RASGRP3: variants seen among roughly 807,000 people sequenced by gnomAD.
The protein encoded by RASGRP3 is ras guanyl-releasing protein 3.
A neutral mutation model predicts 82.7 loss-of-function variants in RASGRP3; 54 were observed. That is an observed-to-expected ratio of 0.65 (90% CI 0.52 to 0.82). The LOEUF (loss-of-function observed/expected upper bound fraction) is 0.82. Among genes scored for constraint, RASGRP3 ranks in the 40% least tolerant of loss-of-function variants. The probability of loss-of-function intolerance (pLI) is 0.00; values close to 1 mark genes in which losing one functional copy is unlikely to be tolerated. For synonymous variants in RASGRP3, 309 were observed against 300.5 expected, an observed-to-expected ratio of 1.03 and a Z score of -0.29; for missense variants, 861 against 828.9, an observed-to-expected ratio of 1.04 and a Z score of -0.48.
chr2:33,559,894 G>A (rs1676457460), intron 17 of RASGRP3, among the ~76,000 whole-genome samples: 1 of 152,160 alleles, frequency 6.6e-6, no homozygotes, highest in Non-Finnish European at 1.5e-5. Flanking sequence ...TTCCCATGAT[G>A]AGAAAAACTC....
rs375130686 is a variant in RASGRP3, at chr2:33,558,277, G to A, written c.1646G>A (p.Arg549Gln). 2.3e-4 allele frequency: 376 copies of A among 1,613,264 alleles called. No individual in the cohort carries two copies. Among genetic ancestry groups the A allele is most frequent in the Middle Eastern group, 3.3e-4 (2 of 6,064 alleles). The change falls in exon 16 of 18, where the codon CGG becomes CAG. Residue 549 changes from arginine (R) to glutamine (Q), a missense_variant. Physicochemically the swap from Arg to Gln is conservative, Grantham distance 43 (BLOSUM62 1). Coordinates refer to ENST00000403687, the MANE Select transcript of RASGRP3 (RefSeq NM_001139488.2). ...GTTCTGGCCTGCAGGAGATTTGCCCGGGCGCCCTCCTTGAGCAGTGGTCAT... is the reference window on the plus strand; with the variant it reads ...GTTCTGGCCTGCAGGAGATTTGCCCAGGCGCCCTCCTTGAGCAGTGGTCAT... Reference protein sequence around the residue: ...LLVLACRRFARAPSLSSGHGS... With the variant: ...LLVLACRRFAQAPSLSSGHGS...
chr2:33,560,464 G>T (rs1050515257), intron 17 of RASGRP3, among the ~76,000 whole-genome samples: 1 of 152,198 alleles, frequency 6.6e-6, no homozygotes, highest in African/African-American at 2.4e-5. Context: ...GCTTTAGGGT[G>T]TTCATGACAG....
Position 33,563,520 on chromosome 2 carries a change from G to A in RASGRP3, c.*783G>A, listed in dbSNP as rs115940152. ...AAAATTATGCTTGTCCCTTCTGACTGGGTTAAGCCATCTTTCTTAAGATTC... is the reference window on the plus strand; with the variant it reads ...AAAATTATGCTTGTCCCTTCTGACTAGGTTAAGCCATCTTTCTTAAGATTC... On this transcript the variant is annotated 3_prime_UTR_variant, in exon 18 of 18. Coordinates refer to ENST00000403687, the MANE Select transcript of RASGRP3 (RefSeq NM_001139488.2). 6.6e-6 allele frequency: 1 copy of A among 152,252 alleles called. No individual in the cohort carries two copies. Among genetic ancestry groups the A allele is most frequent in the African/African-American group, 2.4e-5 (1 of 41,554 alleles). The allele number at this position is 152,252 out of a possible 1,614,324, so 9.4% of individuals were successfully genotyped here. A position where few individuals can be genotyped will look rare whatever the true frequency, so the allele number is the denominator to read the frequency against.
chr2:33,442,199 A>G (rs1407284859), intron 1 of RASGRP3, among the ~76,000 whole-genome samples: 1 of 152,204 alleles, frequency 6.6e-6, no homozygotes, highest in Admixed American at 6.5e-5. Context: ...CTCCATCTCT[A>G]CTAAAAATAC....
intron 12 of RASGRP3, among the ~76,000 whole-genome samples, chr2:33,540,593 T>A (rs1674195840): frequency 8.3e-6 from 1 of 120,854 alleles, no homozygotes. Flanking sequence ...TGTGTGTGTG[T>A]GTGTGTGTGT....
rs757222127 is a variant in RASGRP3, at chr2:33,520,661, C to A, written c.345C>A (p.Val115=). The change falls in exon 6 of 18, where the codon GTC becomes GTA. Residue 115 remains valine (V), a synonymous_variant. Transcript: ENST00000403687. ...VASQLGYEKH[V]SLIDISSIPS... is the part of the protein sequence containing the mutation. ...GTCAACTAGGATATGAAAAACACGT[C>A]AGCCTCATCGACATATCCAGCATGT... The A allele has an allele frequency of 6.2e-7, 1 of 1,613,988 alleles. No individual in the cohort carries two copies. Among genetic ancestry groups the A allele is most frequent in the East Asian group, 2.2e-5 (1 of 44,882 alleles).
chr2:33,470,346 G>T (rs1349733493), intron 2 of RASGRP3, among the ~76,000 whole-genome samples: 2 of 149,876 alleles, frequency 1.3e-5, no homozygotes, highest in African/African-American at 4.9e-5. Flanking sequence ...TGTTATTGTT[G>T]TTGTTGCTAT....
chr2:33,558,907 C>T lies in RASGRP3; in HGVS notation c.1941C>T (p.Asp647=). ...AGTTCCATGACAAAGCAGCAAAGGA[C>T]AAAGGCTTTGCCAAATGGGAAAATG... ...KSKFHDKAAK[D]KGFAKWENEK... Residue 647 remains aspartate, a synonymous_variant, in exon 17 of 18, where the codon GAC becomes GAT. Transcript: ENST00000403687. The T allele has an allele frequency of 1.9e-6, 3 of 1,613,980 alleles. No individual in the cohort carries two copies. Among genetic ancestry groups the T allele is most frequent in the Non-Finnish European group, 2.5e-6 (3 of 1,179,886 alleles).
intron 9 of RASGRP3, among the ~76,000 whole-genome samples, chr2:33,525,013 A>C (rs1672389790): frequency 1.3e-5 from 2 of 149,688 alleles, no homozygotes; most frequent in South Asian, 4.3e-4. Context: ...CCTGGGAGGC[A>C]GAGCTTGCAG....
chr2:33,561,738 G>T (rs375898755), intron 17 of RASGRP3, among the ~76,000 whole-genome samples: 27 of 152,092 alleles, frequency 1.8e-4, no homozygotes, highest in East Asian at 1.3e-3. Context: ...ACACAGAAAA[G>T]GTACGTGTGT....
At position 33,549,886 on chromosome 2, in the gene RASGRP3, T is replaced by C; in HGVS notation, c.1542+135T>C. 2.6e-6 allele frequency: 3 copies of C among 1,145,768 alleles called. No individual in the cohort carries two copies. In the East Asian group the frequency reaches 8.1e-5, roughly 31 times the overall value. 71.0% of individuals were successfully genotyped at this position (1,145,768 alleles called of 1,614,324 possible). A position where few individuals can be genotyped will look rare whatever the true frequency, so the allele number is the denominator to read the frequency against. ...AGTAAAATGTGATGGCTCCCTGAAA[T>C]TGAAGATTAAACACCAAAGGCAAGG... is the stretch of plus-strand genomic sequence containing the variant. On this transcript the variant is annotated intron_variant, in intron 14 of 17. Transcript: ENST00000403687.
chr2:33,463,559 C>T (rs978804956), intron 2 of RASGRP3, among the ~76,000 whole-genome samples: 1 of 151,062 alleles, frequency 6.6e-6, no homozygotes, highest in African/African-American at 2.4e-5. Context: ...CTCCAGCAGC[C>T]CTCCTCTGGT....
At chr2:33,525,475 T>A (rs1454894508) in intron 9 of RASGRP3, among the ~76,000 whole-genome samples, 1 of 151,976 alleles carries the variant, frequency 6.6e-6, no homozygotes, top group East Asian at 1.9e-4. Flanking sequence ...AAGATTCTCA[T>A]ATAAGAGTGC....
At chr2:33,486,098 C>T (rs1158855515) in intron 1 of RASGRP3, among the ~76,000 whole-genome samples, 1 of 152,056 alleles carries the variant, frequency 6.6e-6, no homozygotes, top group Admixed American at 6.6e-5. Context: ...ACATCCAGAA[C>T]ATATTTTCAT....
At chr2:33,503,311 T>C (rs1387451086) in intron 1 of RASGRP3, among the ~76,000 whole-genome samples, 2 of 152,202 alleles carry the variant, frequency 1.3e-5, no homozygotes, top group African/African-American at 4.8e-5. Flanking sequence ...GGACCTAAGA[T>C]ACTACATAAA....
intron 17 of RASGRP3, among the ~76,000 whole-genome samples, chr2:33,561,322 C>T (rs4670717): frequency 0.14 from 20,682 of 152,216 alleles, 1,954 homozygotes; most frequent in Non-Finnish European, 0.18. Context: ...CTGCCTCAAA[C>T]TCCCAAAGTG....
chr2:33,443,240 A>G (rs977481747), intron 1 of RASGRP3, among the ~76,000 whole-genome samples: 1 of 152,240 alleles, frequency 6.6e-6, no homozygotes, highest in African/African-American at 2.4e-5. Context: ...ATAAAACAAC[A>G]AAAACTCAAA....
At chr2:33,501,918 C>A (rs1237791128) in intron 1 of RASGRP3, among the ~76,000 whole-genome samples, 1 of 152,106 alleles carries the variant, frequency 6.6e-6, no homozygotes, top group African/African-American at 2.4e-5. Flanking sequence ...TAAGCCTTAG[C>A]ATAAGAAGAC....
chr2:33,440,396 A>T (rs1665162040), intron 1 of RASGRP3, among the ~76,000 whole-genome samples: 1 of 152,224 alleles, frequency 6.6e-6, no homozygotes, highest in African/African-American at 2.4e-5. Context: ...CACATCATTA[A>T]TGAGAGGCAG....
Sources: allele counts gnomAD v4.1 joint callset (sites outside exome capture counted in the v4.1 genomes callset), GRCh38; gene constraint gnomAD v4.1.1; transcripts MANE v1.5; gene names NCBI Gene and HGNC (gene_info 2026-07-23, HGNC 2026-07-21).